The following PTPRD variants were observed in gnomAD, a reference collection of about 807,000 sequenced individuals.
PTPRD encodes protein tyrosine phosphatase receptor type D, also known as receptor-type tyrosine-protein phosphatase delta.
A neutral mutation model predicts 214.5 loss-of-function variants in PTPRD; 34 were observed. The ratio of observed to expected loss-of-function variants is 0.16; its 90% CI spans 0.12 to 0.21. The LOEUF (loss-of-function observed/expected upper bound fraction) is 0.21, where lower values mean the gene tolerates loss of function less well. Ranked by LOEUF, PTPRD falls within the 10% of genes least tolerant of loss-of-function variation. PTPRD has a pLI of 1.00. For missense variants in PTPRD, 2,545 were observed against 2,398.7 expected (o/e 1.06, Z -1.27); for synonymous variants, 1,128 against 845.7 (o/e 1.33, Z -5.79).
At chr9:8,772,788 G>A (rs1310314257) in intron 11 of PTPRD, among the ~76,000 whole-genome samples, 2 of 151,372 alleles carry the variant, frequency 1.3e-5, no homozygotes, top group African/African-American at 4.9e-5. Flanking sequence ...TTCTATATCT[G>A]GTAATTTTTT....
At chr9:10,214,870 T>A (rs887280047) in intron 3 of PTPRD, among the ~76,000 whole-genome samples, 1 of 152,222 alleles carries the variant, frequency 6.6e-6, no homozygotes, top group South Asian at 2.1e-4. Flanking sequence ...ACATTGTACA[T>A]GAATGGGCCC....
intron 3 of PTPRD, among the ~76,000 whole-genome samples, chr9:10,160,318 A>G (rs1454097674): frequency 2.0e-5 from 3 of 152,058 alleles, no homozygotes; most frequent in Non-Finnish European, 4.4e-5. Context: ...GAGAACCTCA[A>G]CAAACCAATA....
At chr9:8,925,978 C>T (rs2098887223) in intron 11 of PTPRD, among the ~76,000 whole-genome samples, 2 of 150,400 alleles carry the variant, frequency 1.3e-5, no homozygotes, top group Non-Finnish European at 2.9e-5. Flanking sequence ...CAATTCTCTC[C>T]TTTTCAAACC....
At chr9:10,241,288 A>G (rs981152421) in intron 3 of PTPRD, among the ~76,000 whole-genome samples, 1 of 152,000 alleles carries the variant, frequency 6.6e-6, no homozygotes, top group Non-Finnish European at 1.5e-5. Context: ...AAAATATTTC[A>G]ACAGTTTTAC....
chr9:9,154,418 G>A (rs995793505), intron 10 of PTPRD, among the ~76,000 whole-genome samples: 3 of 125,564 alleles, frequency 2.4e-5, no homozygotes, highest in Non-Finnish European at 4.9e-5. Context: ...TCTCTTTCTG[G>A]CTTGCAGAGG....
intron 7 of PTPRD, among the ~76,000 whole-genome samples, chr9:9,722,481 T>G (rs1205022607): frequency 6.6e-6 from 1 of 152,100 alleles, no homozygotes; most frequent in Non-Finnish European, 1.5e-5. Context: ...TGATGGACAT[T>G]GTGATTGTTT....
intron 4 of PTPRD, among the ~76,000 whole-genome samples, chr9:9,960,703 A>T (rs1175553618): frequency 6.6e-6 from 1 of 152,176 alleles, no homozygotes; most frequent in East Asian, 1.9e-4. Flanking sequence ...GTTGAGCAAT[A>T]CTCATCAACA....
At chr9:10,011,369 A>G (rs1451648061) in intron 4 of PTPRD, among the ~76,000 whole-genome samples, 5 of 151,990 alleles carry the variant, frequency 3.3e-5, no homozygotes, top group African/African-American at 4.8e-5. Flanking sequence ...CTAAAGAGAT[A>G]TCAAGAAGCT....
At chr9:9,869,389 T>G (rs765930027) in intron 5 of PTPRD, among the ~76,000 whole-genome samples, 1 of 152,106 alleles carries the variant, frequency 6.6e-6, no homozygotes, top group Non-Finnish European at 1.5e-5. Context: ...GTGAAAGTTG[T>G]TGGGACACTT....
At chr9:9,399,149 A>C (rs2069136830) in intron 8 of PTPRD, among the ~76,000 whole-genome samples, 1 of 152,092 alleles carries the variant, frequency 6.6e-6, no homozygotes, top group Non-Finnish European at 1.5e-5. Context: ...TTACTGTTTC[A>C]TGCAATATAT....
chr9:9,515,786 T>C (rs781469176), intron 8 of PTPRD, among the ~76,000 whole-genome samples: 1 of 152,098 alleles, frequency 6.6e-6, no homozygotes, highest in Non-Finnish European at 1.5e-5. Flanking sequence ...TATGGTGAGA[T>C]AAAGGTGACT....
intron 3 of PTPRD, among the ~76,000 whole-genome samples, chr9:10,216,590 A>G (rs1458967665): frequency 6.6e-6 from 1 of 152,022 alleles, no homozygotes; most frequent in Non-Finnish European, 1.5e-5. Context: ...TATTAAGAGA[A>G]TACTAAAAAT....
At chr9:9,389,633 G>T (rs915215457) in intron 9 of PTPRD, among the ~76,000 whole-genome samples, 8 of 152,090 alleles carry the variant, frequency 5.3e-5, no homozygotes, top group Non-Finnish European at 8.8e-5. Context: ...GAGAAGCCTT[G>T]AATATATATT....
At chr9:8,433,239 G>C (rs2095174388) in intron 35 of PTPRD, among the ~76,000 whole-genome samples, 1 of 152,178 alleles carries the variant, frequency 6.6e-6, no homozygotes, top group South Asian at 2.1e-4. Context: ...TCCTGTGGTT[G>C]CAGAGATGTT....
intron 44 of PTPRD, among the ~76,000 whole-genome samples, chr9:8,324,461 T>C (rs765995728): frequency 2.6e-5 from 4 of 152,180 alleles, no homozygotes; most frequent in Admixed American, 6.5e-5. Context: ...CAGTATTCCA[T>C]GGTGTATATG....
At chr9:8,343,631 C>A (rs1017363922) in intron 39 of PTPRD, among the ~76,000 whole-genome samples, 3 of 151,990 alleles carry the variant, frequency 2.0e-5, no homozygotes, top group African/African-American at 7.2e-5. Flanking sequence ...TGCCTCAGAT[C>A]CCTGGTTGCC....
At position 9,996,125 on chromosome 9, in the gene PTPRD, T is replaced by C. The variant is rs2096113836; in HGVS notation, c.-472+37593A>G. The stretch of plus-strand genomic sequence containing the variant: ...ATTAAATCATTTAAAAATATTATCT[T>C]TCTACTGTGATTATATGTCATAGAA... On this transcript the variant is annotated intron_variant, in intron 4 of 45. Coordinates refer to ENST00000381196, the MANE Select transcript of PTPRD (RefSeq NM_002839.4). Among the ~76,000 whole-genome samples, 4 of 152,194 alleles carry C rather than the reference T, an allele frequency of 2.6e-5. 1 individual carries two copies. Among genetic ancestry groups the C allele is most frequent in the Admixed American group, 2.6e-4 (4 of 15,270 alleles).
At chr9:10,477,059 G>T (rs1469567868) in intron 2 of PTPRD, among the ~76,000 whole-genome samples, 1 of 151,826 alleles carries the variant, frequency 6.6e-6, no homozygotes, top group Non-Finnish European at 1.5e-5. Flanking sequence ...TACCATTCAG[G>T]ACATAGGCAT....
At chr9:8,609,164 T>C (rs944049131) in intron 14 of PTPRD, among the ~76,000 whole-genome samples, 4 of 152,216 alleles carry the variant, frequency 2.6e-5, no homozygotes, top group Non-Finnish European at 4.4e-5. Context: ...ATCCTTGTTT[T>C]CCTTCAATCT....
Sources: allele counts gnomAD v4.1 joint callset (sites outside exome capture counted in the v4.1 genomes callset), GRCh38; gene constraint gnomAD v4.1.1; transcripts MANE v1.5; gene names NCBI Gene and HGNC (gene_info 2026-07-23, HGNC 2026-07-21).